The following GABRB3 variants were observed in gnomAD, a reference collection of about 807,000 sequenced individuals.
GABRB3 encodes the protein gamma-aminobutyric acid receptor subunit beta-3.
GABRB3 carries 14 observed loss-of-function variants against 52.1 expected under a neutral mutation model. The ratio of observed to expected loss-of-function variants is 0.27; its 90% CI spans 0.18 to 0.42. The LOEUF is 0.42. GABRB3 is among the 10% of genes least tolerant of loss of function. The pLI is 1.00. For missense variants in GABRB3, 307 were observed against 609.1 expected, an observed-to-expected ratio of 0.50 and a Z score of 5.22; for synonymous variants, 260 against 232.3, an observed-to-expected ratio of 1.12 and a Z score of -1.08.
At chr15:26,622,701 C>T (rs11856990) in intron 3 of GABRB3, among the ~76,000 whole-genome samples, 9,304 of 152,208 alleles carry the variant, frequency 0.061, 932 homozygotes, top group African/African-American at 0.21. Flanking sequence ...CAGGGCAATT[C>T]ACGGTGTTGC....
chr15:26,583,457 G>C (rs1376330951), intron 4 of GABRB3, 43 bp from the exon 5 acceptor site: 1 of 1,514,278 alleles, frequency 6.6e-7, no homozygotes, highest in Non-Finnish European at 9.2e-7. Context: ...GAAGGGCTGA[G>C]AAATGTATCA....
intron 4 of GABRB3, among the ~76,000 whole-genome samples, chr15:26,619,457 A>G (rs1178641371): frequency 6.8e-6 from 1 of 147,536 alleles, no homozygotes; most frequent in East Asian, 2.0e-4. Context: ...TCACAGGTGG[A>G]AATTGAACAA....
intron 3 of GABRB3, among the ~76,000 whole-genome samples, chr15:26,753,556 C>A (rs1016232798): frequency 6.6e-6 from 1 of 152,154 alleles, no homozygotes; most frequent in Non-Finnish European, 1.5e-5. Context: ...TGACTTTGGT[C>A]CCAGAAACTG....
rs144001770 is a variant in GABRB3, at chr15:26,580,353, G to A, written c.648C>T (p.His216=). Residue 216 remains histidine (H), a synonymous_variant, in exon 6 of 9, where the codon CAC becomes CAT. Coordinates refer to ENST00000311550, the MANE Select transcript of GABRB3 (RefSeq NM_000814.6). The part of the protein sequence containing the change: ...IELPQFSIVE[H]RLVSRNVVFA... Reference sequence around the variant, plus strand: ...AGACAACATTCCTCGAGACCAGACGGTGCTCCACGATGGAGAACTGCGGGA... The same window carrying A: ...AGACAACATTCCTCGAGACCAGACGATGCTCCACGATGGAGAACTGCGGGA... 1.4e-5 allele frequency: 23 copies of A among 1,614,046 alleles called. No individual in the cohort carries two copies. The highest frequency in any genetic ancestry group is 5.0e-5 in the Admixed American group (3 of 60,006).
At chr15:26,732,833 CA>C (rs1374193544) in intron 3 of GABRB3, among the ~76,000 whole-genome samples, 1 of 152,016 alleles carries the variant, frequency 6.6e-6, no homozygotes, top group Non-Finnish European at 1.5e-5. Context: ...TACTAAAATA[CA>C]ATTCTTTTTT....
intron 3 of GABRB3, among the ~76,000 whole-genome samples, chr15:26,689,185 C>T (rs1428868378): frequency 1.3e-5 from 2 of 152,212 alleles, no homozygotes; most frequent in Non-Finnish European, 1.5e-5. Context: ...TCTCCTGCAC[C>T]TGGCTTCCTG....
chr15:26,550,678 C>T (rs1052548363), intron 8 of GABRB3, among the ~76,000 whole-genome samples: 1 of 150,750 alleles, frequency 6.6e-6, no homozygotes, highest in African/African-American at 2.4e-5. Context: ...GACCAAGCAC[C>T]TGAATGATTC....
chr15:26,629,272 G>T, intron 3 of GABRB3: 1 of 1,115,892 alleles, frequency 9.0e-7, no homozygotes, highest in Non-Finnish European at 1.2e-6. Context: ...AGGAGGCGTG[G>T]TCTGTGGCTC....
At chr15:26,763,489 A>G (rs1394568843) in intron 3 of GABRB3, among the ~76,000 whole-genome samples, 2 of 152,122 alleles carry the variant, frequency 1.3e-5, no homozygotes, top group African/African-American at 4.8e-5. Context: ...GGCCTGATAT[A>G]TGGATTTATC....
At chr15:26,749,718 A>C (rs1890450211) in intron 3 of GABRB3, among the ~76,000 whole-genome samples, 1 of 152,092 alleles carries the variant, frequency 6.6e-6, no homozygotes. Context: ...TTGTGCTCTT[A>C]GACCATCTTT....
intron 3 of GABRB3, among the ~76,000 whole-genome samples, chr15:26,677,627 G>C (rs1888109969): frequency 6.6e-6 from 1 of 152,126 alleles, no homozygotes; most frequent in Admixed American, 6.5e-5. Flanking sequence ...CCAAAAAAGG[G>C]AAAAGAAAGA....
intron 8 of GABRB3, among the ~76,000 whole-genome samples, chr15:26,550,987 AG>A (rs1347746120): frequency 1.3e-5 from 2 of 152,242 alleles, no homozygotes; most frequent in Non-Finnish European, 2.9e-5. Flanking sequence ...AAACATCAAA[AG>A]CAAAGGCTTG....
intron 3 of GABRB3, chr15:26,629,254 C>G (rs558231550): frequency 1.6e-6 from 2 of 1,252,746 alleles, no homozygotes; most frequent in East Asian, 2.8e-5. Flanking sequence ...AGCTTGGCCC[C>G]GAGAGGGAGG....
intron 7 of GABRB3, among the ~76,000 whole-genome samples, chr15:26,562,436 A>C (rs1007445722): frequency 2.0e-5 from 3 of 152,138 alleles, no homozygotes; most frequent in Non-Finnish European, 2.9e-5. Context: ...CAAAGGAGAG[A>C]GCTTAACCAT....
intron 3 of GABRB3, among the ~76,000 whole-genome samples, chr15:26,738,664 C>T (rs1256164712): frequency 3.3e-5 from 5 of 152,062 alleles, no homozygotes; most frequent in Non-Finnish European, 5.9e-5. Flanking sequence ...TCTGTAACTG[C>T]ACCTGTTGTT....
intron 3 of GABRB3, among the ~76,000 whole-genome samples, chr15:26,718,436 C>T (rs958299702): frequency 1.3e-5 from 2 of 152,156 alleles, no homozygotes; most frequent in Non-Finnish European, 1.5e-5. Context: ...CTCGAACTCC[C>T]GACCTCAGGT....
chr15:26,657,867 C>T (rs2140603858), intron 3 of GABRB3, among the ~76,000 whole-genome samples: 1 of 152,248 alleles, frequency 6.6e-6, no homozygotes, highest in South Asian at 2.1e-4. Flanking sequence ...GCTTATAGTT[C>T]AACTTTAAAA....
At chr15:26,682,766 C>T (rs1417367661) in intron 3 of GABRB3, among the ~76,000 whole-genome samples, 4 of 152,198 alleles carry the variant, frequency 2.6e-5, no homozygotes, top group Non-Finnish European at 4.4e-5. Flanking sequence ...GGACTTGAGG[C>T]TCTGAAAAGA....
At chr15:26,770,579 G>A (rs1477463982) in intron 3 of GABRB3, among the ~76,000 whole-genome samples, 1 of 152,210 alleles carries the variant, frequency 6.6e-6, no homozygotes, top group Non-Finnish European at 1.5e-5. Flanking sequence ...AAACAAATAT[G>A]TGATGGTGTG....
Sources: gnomAD v4.1 joint callset for allele counts (sites outside exome capture counted in the v4.1 genomes callset) on GRCh38, gnomAD v4.1.1 for gene constraint, MANE v1.5 for transcripts, NCBI Gene and HGNC (gene_info 2026-07-23, HGNC 2026-07-21) for gene names.